Variants in LRP1 observed in about 807,000 individuals in gnomAD.
The protein encoded by LRP1 is LDL receptor related protein 1.
A neutral mutation model predicts 541.5 loss-of-function variants in LRP1; 51 were observed. The ratio of observed to expected loss-of-function variants is 0.09; its 90% confidence interval spans 0.08 to 0.12. LRP1 has a LOEUF of 0.12. Among genes scored for constraint, LRP1 ranks in the 10% least tolerant of loss-of-function variants. The pLI is 1.00. For missense variants in LRP1, 3,878 were observed against 6,376.2 expected, an observed-to-expected ratio of 0.61 and a Z score of 13.34; for synonymous variants, 2,219 against 2,470.8, an observed-to-expected ratio of 0.90 and a Z score of 3.02.
At position 57,178,620 on chromosome 12, in the gene LRP1, C is replaced by A. The variant is rs1222852099; in HGVS notation, c.4606+17C>A. The A allele has an allele frequency of 6.2e-7, 1 of 1,613,710 alleles. No individual in the cohort carries two copies. Among genetic ancestry groups the A allele is most frequent in the Admixed American group, 1.7e-5 (1 of 60,012 alleles). Reference sequence around the variant, plus strand: ...AGCCCATGGGTAAGGGGCTCGGGGCCTCGAGCAGCCGGAAGGGAGCCAGCA... The same window carrying A: ...AGCCCATGGGTAAGGGGCTCGGGGCATCGAGCAGCCGGAAGGGAGCCAGCA... On this transcript the variant is annotated intron_variant, in intron 27 of 88. Coordinates refer to ENST00000243077, the MANE Select transcript of LRP1 (RefSeq NM_002332.3). The surrounding 1 kb of genome is among the most constrained non-coding windows in gnomAD (Gnocchi z 5.8).
At chr12:57,130,419 C>T (rs1416016772) in intron 1 of LRP1, among the ~76,000 whole-genome samples, 2 of 151,686 alleles carry the variant, frequency 1.3e-5, no homozygotes, top group African/African-American at 4.9e-5. Flanking sequence ...ACTCTCTACC[C>T]CCCACCCCCA....
intron 3 of LRP1, among the ~76,000 whole-genome samples, chr12:57,143,181 T>G (rs184507981): frequency 2.6e-5 from 4 of 152,314 alleles, no homozygotes; most frequent in Non-Finnish European, 1.5e-5. Context: ...GCCTTAGGCC[T>G]TCTCTCTGAG....
In LRP1 at chr12:57,212,253, C is replaced by T. The variant is rs765988432; in HGVS notation, c.13486C>T (p.Pro4496Ser). ...ACTGGACGCTGACTTTGCCCTGGAC[C>T]CTGACAAGGTGGGCTGGGAGGCGGG... ...GLLDADFALD[P>S]DKPTNFTNPV... Residue 4496 changes from proline (P) to serine (S), a missense_variant, in exon 88 of 89, where the codon CCT becomes TCT. Physicochemically the swap from Pro to Ser is moderately conservative, Grantham distance 74. Around this residue, in one of 13 missense-constraint regions of LRP1, gnomAD observed 871 missense variants for 1,212.4 expected, o/e 0.72. Coordinates refer to ENST00000243077, the MANE Select transcript of LRP1 (RefSeq NM_002332.3). The surrounding 1 kb of genome is among the most constrained non-coding windows in gnomAD (Gnocchi z 5.0). 2 of 1,613,192 alleles carry T rather than the reference C, an allele frequency of 1.2e-6. No individual in the cohort carries two copies. The highest frequency in any genetic ancestry group is 1.7e-6 in the Non-Finnish European group (2 of 1,179,570).
rs1385119779 is a variant in LRP1 at position 57,185,956 on chromosome 12, G to C, written c.6841+48G>C. On this transcript the variant is annotated intron_variant, in intron 41 of 88. Coordinates refer to ENST00000243077, the MANE Select transcript of LRP1 (RefSeq NM_002332.3). This position sits in a 1 kb window ranked among gnomAD's most constrained non-coding sequence, Gnocchi z 4.9. ...CCCAGGAAGTGGGACATGGGGCGGGGAGCAGCACAGACTCTTAGACCCCAG... is the reference window on the plus strand; with the variant it reads ...CCCAGGAAGTGGGACATGGGGCGGGCAGCAGCACAGACTCTTAGACCCCAG... 1 of 1,570,902 alleles carries C rather than the reference G, an allele frequency of 6.4e-7. No individual in the cohort carries two copies. The highest frequency in any genetic ancestry group is 8.6e-7 in the Non-Finnish European group (1 of 1,158,146).
chr12:57,150,807 A>G (rs1181498718), intron 6 of LRP1, among the ~76,000 whole-genome samples: 1 of 152,226 alleles, frequency 6.6e-6, no homozygotes, highest in Non-Finnish European at 1.5e-5. Flanking sequence ...GGCATTAAGT[A>G]ACTTGCTCAT....
At chr12:57,132,699 C>A (rs953695735) in intron 1 of LRP1, among the ~76,000 whole-genome samples, 1 of 152,170 alleles carries the variant, frequency 6.6e-6, no homozygotes, top group Non-Finnish European at 1.5e-5. Context: ...CTCAGTTCAT[C>A]TCTTACTGCC....
Position 57,206,487 on chromosome 12 carries a change from G to T in LRP1, c.11605G>T (p.Val3869Phe). The T allele has an allele frequency of 1.9e-6, 3 of 1,614,056 alleles. No individual in the cohort carries two copies. Among genetic ancestry groups the T allele is most frequent in the Non-Finnish European group, 2.5e-6 (3 of 1,180,036 alleles). The change falls in exon 76 of 89, where the codon GTC becomes TTC. Residue 3869 changes from valine (V) to phenylalanine (F), a missense_variant. Around this residue, in one of 13 missense-constraint regions of LRP1, gnomAD observed 871 missense variants for 1,212.4 expected, o/e 0.72. Transcript: ENST00000243077. The surrounding 1 kb of genome is among the most constrained non-coding windows in gnomAD (Gnocchi z 4.7). Reference protein sequence around the residue: ...TCKAEGSEYQVLYIADDNEIR... With the variant: ...TCKAEGSEYQFLYIADDNEIR... ...TGCTTCTCCAGGCTCTGAGTACCAG[G>T]TCCTGTACATCGCTGATGACAATGA...
chr12:57,186,527 G>C (rs2036273288), intron 41 of LRP1, among the ~76,000 whole-genome samples: 1 of 152,188 alleles, frequency 6.6e-6, no homozygotes, highest in Non-Finnish European at 1.5e-5. Context: ...GACCTGCCAG[G>C]CACCGAACTA....
At chr12:57,150,065 G>GC in intron 6 of LRP1, 1 of 308,982 alleles carries the variant, frequency 3.2e-6, no homozygotes. Flanking sequence ...CAATACATGT[G>GC]TGTCAGACGC....
chr12:57,169,217 G>A lies in LRP1; in HGVS notation c.3073G>A (p.Gly1025Arg), dbSNP rs928823996. Reference sequence around the variant, plus strand: ...TAGCACCCAGTTCAAGTGCAACAGCGGGCGTTGCATCCCCGAGCACTGGAC... The same window carrying A: ...TAGCACCCAGTTCAAGTGCAACAGCAGGCGTTGCATCCCCGAGCACTGGAC... ...CSSTQFKCNSGRCIPEHWTCD... is the reference protein window; with the variant it reads ...CSSTQFKCNSRRCIPEHWTCD... Residue 1025 changes from glycine to arginine, a missense_variant, in exon 20 of 89, where the codon GGG becomes AGG. Physicochemically the swap from Gly to Arg is moderately radical, Grantham distance 125. Transcript: ENST00000243077. 15 of 1,613,684 alleles carry A rather than the reference G, an allele frequency of 9.3e-6. No homozygotes were observed. The African/African-American group carries it at 9.3e-5, about 10-fold the overall frequency.
At position 57,204,175 on chromosome 12, in the gene LRP1, GA is replaced by G. The variant is rs1565753448; in HGVS notation, c.10952-234del. ...CAGCACAGTGCCCTGCCACATACCA[GA>G]GAAGGAGTGCCCTCTGAACTCCTCC... On this transcript the variant is annotated intron_variant, in intron 70 of 88. Coordinates refer to ENST00000243077, the MANE Select transcript of LRP1 (RefSeq NM_002332.3). The surrounding 1 kb of genome is among the most constrained non-coding windows in gnomAD (Gnocchi z 5.3). The G allele has an allele frequency of 2.2e-6, 1 of 456,880 alleles. No homozygotes were observed. The highest frequency in any genetic ancestry group is 3.7e-5 in the Admixed American group (1 of 26,838). The allele number at this position is 456,880 out of a possible 1,614,324, so 28.3% of individuals were successfully genotyped here. A position where few individuals can be genotyped will look rare whatever the true frequency, so the allele number is the denominator to read the frequency against.
chr12:57,151,156 G>C (rs1253247497), intron 6 of LRP1, among the ~76,000 whole-genome samples: 2 of 152,150 alleles, frequency 1.3e-5, no homozygotes, highest in Admixed American at 1.3e-4. Flanking sequence ...CCATGTGTTT[G>C]GGAAAGCAGC....
Position 57,128,706 on chromosome 12 carries a change from G to A in LRP1, c.-259G>A, listed in dbSNP as rs1236262831. Reference sequence around the variant, plus strand: ...CGCCCGGGGAGGGGGAAAGAGCAGCGAGGAGTGAAGCGGGGGGGTGGGGTG... The same window carrying A: ...CGCCCGGGGAGGGGGAAAGAGCAGCAAGGAGTGAAGCGGGGGGGTGGGGTG... On this transcript the variant is annotated 5_prime_UTR_variant, in exon 1 of 89. Coordinates refer to ENST00000243077, the MANE Select transcript of LRP1 (RefSeq NM_002332.3). 2 of 419,924 alleles carry A rather than the reference G, an allele frequency of 4.8e-6. No individual in the cohort carries two copies. Among genetic ancestry groups the A allele is most frequent in the East Asian group, 6.9e-5 (2 of 28,818 alleles). The allele number at this position is 419,924 out of a possible 1,614,324, so 26.0% of individuals were successfully genotyped here. A position where few individuals can be genotyped will look rare whatever the true frequency, so the allele number is the denominator to read the frequency against.
At chr12:57,203,853 CAAG>C (rs2036710130) in intron 70 of LRP1, 1 of 304,370 alleles carries the variant, frequency 3.3e-6, no homozygotes, top group Admixed American at 5.0e-5. Context: ...TCTGCTGCCA[CAAG>C]AAGAAAAGCC....
intron 6 of LRP1, chr12:57,149,492 A>G: frequency 8.2e-6 from 5 of 609,184 alleles, no homozygotes; most frequent in Non-Finnish European, 1.2e-5. Flanking sequence ...TTTTCAAGCC[A>G]AAGGAAGTAA....
At position 57,175,575 on chromosome 12, in the gene LRP1, C is replaced by T; in HGVS notation, c.3663C>T (p.Cys1221=). 6.2e-7 allele frequency: 1 copy of T among 1,614,106 alleles called. No homozygotes were observed. ...AGCTGGGGCCCGACAACCACACCTG[C>T]CAGATCCAGAGCTACTGTGCCAAGC... The part of the protein sequence containing the change: ...GMELGPDNHT[C]QIQSYCAKHL... Residue 1221 remains cysteine, a synonymous_variant, in exon 23 of 89, where the codon TGC becomes TGT. Transcript: ENST00000243077.
chr12:57,212,377 G>C lies in LRP1; in HGVS notation c.13495-38G>C. 6.2e-7 allele frequency: 1 copy of C among 1,613,940 alleles called. No individual in the cohort carries two copies. The highest frequency in any genetic ancestry group is 8.5e-7 in the Non-Finnish European group (1 of 1,179,970). ...TGGGGTAACCTGGGCTACAGGCCCA[G>C]CTCCTGAGCCCTACCTGAACCCTCT... On this transcript the variant is annotated intron_variant, in intron 88 of 88. Transcript: ENST00000243077. The surrounding 1 kb of genome is among the most constrained non-coding windows in gnomAD (Gnocchi z 5.0).
chr12:57,156,424 C>A lies in LRP1; in HGVS notation c.1417+141C>A. On this transcript the variant is annotated intron_variant, in intron 9 of 88. Coordinates refer to ENST00000243077, the MANE Select transcript of LRP1 (RefSeq NM_002332.3). This position sits in a 1 kb window ranked among gnomAD's most constrained non-coding sequence, Gnocchi z 5.2. ...CATGACCGATTCTCCTAGCCAGCCA[C>A]TCGGGCTACCTGCCCTGGCCCCTCA... is the stretch of plus-strand genomic sequence containing the variant. 1 of 881,886 alleles carries A rather than the reference C, an allele frequency of 1.1e-6. No homozygotes were observed. The highest frequency in any genetic ancestry group is 1.7e-5 in the African/African-American group (1 of 59,114). The allele number at this position is 881,886 out of a possible 1,614,324, so 54.6% of individuals were successfully genotyped here.
At chr12:57,193,541 A>G in intron 46 of LRP1, 25 bp from the exon 47 acceptor site, 1 of 1,609,712 alleles carries the variant, frequency 6.2e-7, no homozygotes, top group Non-Finnish European at 8.5e-7. Flanking sequence ...TGTGGCTGAC[A>G]CGCAGCCTAC....
Sources: allele counts gnomAD v4.1 joint callset (sites outside exome capture counted in the v4.1 genomes callset), GRCh38; gene constraint gnomAD v4.1.1; regional missense constraint gnomAD v4.1.1; non-coding constraint Gnocchi (gnomAD v3.1); transcripts MANE v1.5; gene names NCBI Gene and HGNC (gene_info 2026-07-23, HGNC 2026-07-21).